GMNC: variants seen among roughly 807,000 people sequenced by gnomAD.
The protein encoded by GMNC is geminin coiled-coil domain containing.
GMNC carries 16 observed loss-of-function variants against 33.6 expected under a neutral mutation model. The observed-to-expected ratio is 0.48, with a 90% CI of 0.32 to 0.72. The LOEUF (loss-of-function observed/expected upper bound fraction) is 0.72. GMNC is among the 30% of genes least tolerant of loss of function. GMNC has a pLI of 0.03. For missense variants in GMNC, 393 were observed against 388.9 expected (o/e 1.01, Z -0.09); for synonymous variants, 156 against 147.3 (o/e 1.06, Z -0.43).
At chr3:190,858,275 A>T (rs1489853663) in intron 3 of GMNC, among the ~76,000 whole-genome samples, 3 of 152,086 alleles carry the variant, frequency 2.0e-5, no homozygotes, top group East Asian at 1.9e-4. Context: ...AATAAATAAA[A>T]AATAGAGGTG....
intron 4 of GMNC, among the ~76,000 whole-genome samples, chr3:190,856,786 T>C (rs914828030): frequency 1.3e-5 from 2 of 151,834 alleles, no homozygotes; most frequent in African/African-American, 4.8e-5. Context: ...TATTATTATA[T>C]TATTCTAAAT....
chr3:190,848,582 TCTAA>T (rs1472244051), downstream of GMNC, among the ~76,000 whole-genome samples: 1 of 152,240 alleles, frequency 6.6e-6, no homozygotes, highest in Non-Finnish European at 1.5e-5. Flanking sequence ...TAAAAATATC[TCTAA>T]CTGATTTAAT....
downstream of GMNC, among the ~76,000 whole-genome samples, chr3:190,847,878 A>G (rs1737576148): frequency 6.6e-6 from 1 of 152,184 alleles, no homozygotes; most frequent in African/African-American, 2.4e-5. Flanking sequence ...TGTGCAGTAC[A>G]TTTAAGATCT....
At position 190,855,308 on chromosome 3, in the gene GMNC, G is replaced by A; in HGVS notation, c.992C>T (p.Pro331Leu). The A allele has an allele frequency of 1.3e-6, 2 of 1,551,394 alleles. No homozygotes were observed. The highest frequency in any genetic ancestry group is 1.7e-6 in the Non-Finnish European group (2 of 1,146,730). ...AAAGAGGGGTCACTAAGACTGCTTA[G>A]GGACCCAGGTAAACTTCCAGCCTCC... is the stretch of plus-strand genomic sequence containing the variant. ...EEGGWKFTWV[P>L]KQS The change falls in exon 5 of 5, where the codon CCT (proline) becomes CTT (leucine). Residue 331 changes from proline (P) to leucine (L), a missense_variant. By Grantham distance (98) the Pro-to-Leu change is moderately conservative. Coordinates refer to ENST00000442080, the MANE Select transcript of GMNC (RefSeq NM_001146686.3).
chr3:190,857,261 ATGCCTAAT>A (rs1287189334), intron 4 of GMNC, among the ~76,000 whole-genome samples: 1 of 151,814 alleles, frequency 6.6e-6, no homozygotes, highest in African/African-American at 2.4e-5. Context: ...GTAATTGTGT[ATGCCTAAT>A]TGCCTAATAT....
chr3:190,857,949 A>C (rs1214522889), intron 3 of GMNC, 50 bp from the exon 4 acceptor site: 6 of 972,908 alleles, frequency 6.2e-6, no homozygotes, highest in Non-Finnish European at 9.7e-6. Context: ...TTGACTTTGT[A>C]ACCTTATAAT....
intron 2 of GMNC, chr3:190,859,847 G>A (rs1394797508): frequency 2.2e-6 from 1 of 453,064 alleles, no homozygotes; most frequent in Non-Finnish European, 4.4e-6. Flanking sequence ...AAAGTGAAAT[G>A]ATGAGTAAGG....
At chr3:190,860,025 AATC>A (rs1408707512) in intron 2 of GMNC, among the ~76,000 whole-genome samples, 1 of 152,224 alleles carries the variant, frequency 6.6e-6, no homozygotes, top group African/African-American at 2.4e-5. Context: ...AAATAAAACA[AATC>A]ATGTAGCAGA....
the GMNC span, among the ~76,000 whole-genome samples, chr3:190,847,675 C>A: frequency 2.2e-4 from 33 of 152,184 alleles, no homozygotes; most frequent in African/African-American, 7.5e-4. Context: ...ATTACATTCC[C>A]TTTCTTGCCA....
At position 190,855,395 on chromosome 3, in the gene GMNC, T is replaced by C. The variant is rs1737710502; in HGVS notation, c.905A>G (p.His302Arg). The change falls in exon 5 of 5, where the codon CAT becomes CGT. Residue 302 changes from histidine (H) to arginine (R), a missense_variant. Transcript: ENST00000442080. ...EMAFSTSLSP[H>R]CNVKTHSFHQ... ...GAAGGAATGAGTTTTCACATTACAA[T>C]GAGGGCTCAGGGATGTGGAAAATGC... 6.4e-7 allele frequency: 1 copy of C among 1,551,860 alleles called. No homozygotes were observed. The highest frequency in any genetic ancestry group is 2.4e-5 in the East Asian group (1 of 40,930).
downstream of GMNC, among the ~76,000 whole-genome samples, chr3:190,849,270 G>A (rs1737598166): frequency 6.6e-6 from 1 of 152,206 alleles, no homozygotes; most frequent in Non-Finnish European, 1.5e-5. Flanking sequence ...CAAGGAGGCT[G>A]AGATTCCTGG....
intron 2 of GMNC, chr3:190,859,859 G>T (rs776112661): frequency 4.4e-6 from 2 of 450,526 alleles, no homozygotes; most frequent in South Asian, 3.2e-5. Flanking sequence ...TGAGTAAGGA[G>T]ATAGGAATAA....
At chr3:190,859,894 C>T (rs1369115755) in intron 2 of GMNC, 10 of 422,978 alleles carry the variant, frequency 2.4e-5, no homozygotes, top group Non-Finnish European at 4.3e-5. Flanking sequence ...TTTGGGTTCA[C>T]ATTCTTGGGC....
In GMNC at chr3:190,857,718, T is replaced by C. The variant is rs918234794; in HGVS notation, c.384+65A>G. 1.3e-5 allele frequency: 11 copies of C among 831,242 alleles called. No homozygotes were observed. In the East Asian group the frequency reaches 2.7e-4, roughly 20 times the overall value. The allele number at this position is 831,242 out of a possible 1,614,324, so 51.5% of individuals were successfully genotyped here. A position where few individuals can be genotyped will look rare whatever the true frequency, so the allele number is the denominator to read the frequency against. On this transcript the variant is annotated intron_variant, in intron 4 of 4. Transcript: ENST00000442080. ...CACTGTTTAATCAAGGAGTTTTACA[T>C]AAATCATTTCCTTTCTCAAATCACT...
At chr3:190,851,274 A>G (rs1737629251), downstream of GMNC, among the ~76,000 whole-genome samples, 2 of 152,180 alleles carry the variant, frequency 1.3e-5, no homozygotes, top group South Asian at 4.1e-4. Context: ...ATGTCACAAA[A>G]CTAGAGAATA....
rs1737893015 is a variant in GMNC at position 190,862,417 on chromosome 3, A to C, written c.3+196T>G. Among the ~76,000 whole-genome samples, 1 of 144,604 alleles carries C rather than the reference A, an allele frequency of 6.9e-6. No homozygotes were observed. The highest frequency in any genetic ancestry group is 2.7e-5 in the African/African-American group (1 of 36,444). The allele number at this position is 144,604 out of a possible 152,430, so 94.9% of individuals were successfully genotyped here. On this transcript the variant is annotated intron_variant, in intron 1 of 4. Coordinates refer to ENST00000442080, the MANE Select transcript of GMNC (RefSeq NM_001146686.3). The surrounding 1 kb of genome is among the most constrained non-coding windows in gnomAD (Gnocchi z 4.5). ...AGAGAAAGAAGAGGGAGAGAGGGAGAGAAAGAGAGAGAGAGAGAGAGAAAG... is the reference window on the plus strand; with the variant it reads ...AGAGAAAGAAGAGGGAGAGAGGGAGCGAAAGAGAGAGAGAGAGAGAGAAAG...
At chr3:190,859,856 G>A (rs1440690468) in intron 2 of GMNC, 1 of 451,128 alleles carries the variant, frequency 2.2e-6, no homozygotes, top group Non-Finnish European at 4.4e-6. Flanking sequence ...TGATGAGTAA[G>A]GAGATAGGAA....
chr3:190,847,023 C>T, the GMNC span, among the ~76,000 whole-genome samples: 1,584 of 152,264 alleles, frequency 0.01, 25 homozygotes, highest in African/African-American at 0.037. Flanking sequence ...CTTTTCTTGA[C>T]ATACTTTATT....
chr3:190,847,667 T>C, the GMNC span, among the ~76,000 whole-genome samples: 4 of 152,128 alleles, frequency 2.6e-5, no homozygotes, highest in African/African-American at 9.7e-5. Flanking sequence ...GAAAAAAGAT[T>C]ACATTCCCTT....
Sources: gnomAD v4.1 joint callset for allele counts (sites outside exome capture counted in the v4.1 genomes callset) on GRCh38, gnomAD v4.1.1 for gene constraint, Gnocchi (gnomAD v3.1) non-coding constraint, MANE v1.5 for transcripts, NCBI Gene and HGNC (gene_info 2026-07-23, HGNC 2026-07-21) for gene names.